Variants in FARS2 observed in about 807,000 individuals in gnomAD.
FARS2 encodes phenylalanyl-tRNA synthetase 2, mitochondrial, also known as phenylalanine--tRNA ligase, mitochondrial.
A neutral mutation model predicts 46.4 loss-of-function variants in FARS2; 40 were observed. That is an observed-to-expected ratio of 0.86 (90% CI 0.67 to 1.12). FARS2 has a LOEUF of 1.12. Among genes scored for constraint, FARS2 ranks in the 50% most tolerant of loss-of-function variants. The pLI, the probability that FARS2 is intolerant of heterozygous loss-of-function variation, is 0.00. For synonymous variants in FARS2, 234 were observed against 214.9 expected (o/e 1.09, Z -0.78); for missense variants, 513 against 567.9 (o/e 0.90, Z 0.98).
chr6:5,336,031 C>A (rs1771134420), intron 1 of FARS2, among the ~76,000 whole-genome samples: 1 of 152,146 alleles, frequency 6.6e-6, no homozygotes, highest in Non-Finnish European at 1.5e-5. Flanking sequence ...CTTTCTAGTG[C>A]AGACTCAGAG....
At chr6:5,673,018 A>G (rs542369961) in intron 6 of FARS2, among the ~76,000 whole-genome samples, 3 of 152,268 alleles carry the variant, frequency 2.0e-5, no homozygotes, top group Admixed American at 6.5e-5. Context: ...TGTGAAGGGA[A>G]TTTATCTCCT....
intron 6 of FARS2, among the ~76,000 whole-genome samples, chr6:5,715,301 C>A (rs1561817146): frequency 1.3e-5 from 2 of 152,174 alleles, no homozygotes; most frequent in African/African-American, 4.8e-5. Flanking sequence ...ACCTGTACCC[C>A]TGCCCACACC....
In FARS2 at chr6:5,679,914, C is replaced by T. The variant is rs185160908; in HGVS notation, c.1217+66594C>T. On this transcript the variant is annotated intron_variant, in intron 6 of 6. Transcript: ENST00000274680. ...CCTAGAGTGAGATCCTTTTACTTTCCGTTTTACTTCCCGGTTCCTGAGGGC... is the reference window on the plus strand; with the variant it reads ...CCTAGAGTGAGATCCTTTTACTTTCTGTTTTACTTCCCGGTTCCTGAGGGC... Among the ~76,000 whole-genome samples the T allele has an allele frequency of 5.7e-4, 83 of 146,122 alleles. 1 individual carries two copies. Among genetic ancestry groups the T allele is most frequent in the Admixed American group, 5.0e-3 (72 of 14,346 alleles).
rs374449828 is a variant in FARS2 at position 5,278,365 on chromosome 6, G to A, written c.-22+16705G>A. ...TTGGTATTGTTGCCACGAGTGCTGG[G>A]GTCTAATAGGAACGCTGGTTTTTGG... On this transcript the variant is annotated intron_variant, in intron 1 of 6. Coordinates refer to ENST00000274680, the MANE Select transcript of FARS2 (RefSeq NM_006567.5). Among the ~76,000 whole-genome samples, 7 of 152,216 alleles carry A rather than the reference G, an allele frequency of 4.6e-5. No homozygotes were observed. In the East Asian group the frequency reaches 1.2e-3, roughly 25 times the overall value.
intron 1 of FARS2, among the ~76,000 whole-genome samples, chr6:5,292,804 C>CA (rs1767596319): frequency 6.6e-6 from 1 of 151,966 alleles, no homozygotes; most frequent in Non-Finnish European, 1.5e-5. Context: ...TAGATGAGAC[C>CA]AAAAAAGGAT....
intron 5 of FARS2, among the ~76,000 whole-genome samples, chr6:5,567,203 T>C (rs899753309): frequency 9.2e-5 from 14 of 152,352 alleles, no homozygotes; most frequent in African/African-American, 2.9e-4. Flanking sequence ...ATAATGGCCA[T>C]CCTAATGGTG....
intron 2 of FARS2, among the ~76,000 whole-genome samples, chr6:5,393,582 C>T (rs1460578121): frequency 2.0e-5 from 3 of 151,950 alleles, no homozygotes; most frequent in Admixed American, 6.6e-5. Context: ...CACTTGAACC[C>T]GGAGGCGGAG....
intron 5 of FARS2, among the ~76,000 whole-genome samples, chr6:5,563,381 G>A (rs1490628655): frequency 4.6e-5 from 7 of 152,176 alleles, no homozygotes; most frequent in Non-Finnish European, 8.8e-5. Flanking sequence ...CCATGTTTGG[G>A]TAGACACAGT....
At chr6:5,536,820 TC>T (rs1435494199) in intron 4 of FARS2, among the ~76,000 whole-genome samples, 2 of 152,216 alleles carry the variant, frequency 1.3e-5, no homozygotes, top group Non-Finnish European at 2.9e-5. Context: ...TGTAGAAGCT[TC>T]TTTGAATAGG....
intron 4 of FARS2, among the ~76,000 whole-genome samples, chr6:5,544,674 G>A (rs1770850995): frequency 6.6e-6 from 1 of 152,098 alleles, no homozygotes; most frequent in Non-Finnish European, 1.5e-5. Context: ...TAAGCATTAT[G>A]GTGTTTAATA....
At chr6:5,267,072 C>T (rs892168966) in intron 1 of FARS2, among the ~76,000 whole-genome samples, 2 of 151,280 alleles carry the variant, frequency 1.3e-5, no homozygotes, top group African/African-American at 2.4e-5. Flanking sequence ...TAAGGGTTCC[C>T]GTATTTGTGG....
chr6:5,459,567 C>T (rs904137765), intron 4 of FARS2, among the ~76,000 whole-genome samples: 10 of 152,044 alleles, frequency 6.6e-5, no homozygotes, highest in Non-Finnish European at 1.2e-4. Flanking sequence ...GTGCCCAGAG[C>T]GGGAGGGACA....
intron 4 of FARS2, among the ~76,000 whole-genome samples, chr6:5,437,534 G>GT (rs1554185153): frequency 6.6e-6 from 1 of 151,962 alleles, no homozygotes; most frequent in Non-Finnish European, 1.5e-5. Context: ...ATATTATTAG[G>GT]TGCATATATT....
intron 4 of FARS2, among the ~76,000 whole-genome samples, chr6:5,500,935 AGAGAGAGAGAG>A (rs1767759476): frequency 1.9e-4 from 1 of 5,360 alleles, no homozygotes; most frequent in Admixed American, 2.9e-3. Context: ...CAAATCCCCG[AGAGAGAGAGAG>A]AGAGAGAGAG....
intron 1 of FARS2, among the ~76,000 whole-genome samples, chr6:5,339,305 C>T (rs908897267): frequency 6.6e-6 from 1 of 152,042 alleles, no homozygotes; most frequent in African/African-American, 2.4e-5. Context: ...CTAATTGGCT[C>T]AAAGATAACT....
At chr6:5,738,378 A>G (rs994250954) in intron 6 of FARS2, among the ~76,000 whole-genome samples, 2 of 152,228 alleles carry the variant, frequency 1.3e-5, no homozygotes, top group African/African-American at 2.4e-5. Context: ...GTCAGAGGAA[A>G]CAGAACCCTA....
At chr6:5,626,269 G>A (rs968277018) in intron 6 of FARS2, among the ~76,000 whole-genome samples, 3 of 152,128 alleles carry the variant, frequency 2.0e-5, no homozygotes, top group African/African-American at 7.2e-5. Flanking sequence ...GTCCAGATGA[G>A]GGTACGTAAT....
intron 5 of FARS2, among the ~76,000 whole-genome samples, chr6:5,573,009 A>C (rs999939136): frequency 9.2e-5 from 14 of 152,148 alleles, no homozygotes; most frequent in Admixed American, 3.3e-4. Context: ...ACAATATCGA[A>C]AATATTTGTT....
intron 4 of FARS2, among the ~76,000 whole-genome samples, chr6:5,503,287 A>G (rs1767906068): frequency 6.6e-6 from 1 of 151,470 alleles, no homozygotes; most frequent in African/African-American, 2.4e-5. Flanking sequence ...ATGAAGTACA[A>G]GTCTAGAAAT....
Sources: gnomAD v4.1 joint callset for allele counts (sites outside exome capture counted in the v4.1 genomes callset) on GRCh38, gnomAD v4.1.1 for gene constraint, MANE v1.5 for transcripts, NCBI Gene and HGNC (gene_info 2026-07-23, HGNC 2026-07-21) for gene names.